TRPC7: variants seen among roughly 807,000 people sequenced by gnomAD.
The protein encoded by TRPC7 is transient receptor potential cation channel subfamily C member 7.
TRPC7 carries 42 observed loss-of-function variants against 90.1 expected under a neutral mutation model. The ratio of observed to expected loss-of-function variants is 0.47; its 90% CI spans 0.36 to 0.60. The LOEUF (loss-of-function observed/expected upper bound fraction) is 0.60. TRPC7 is among the 20% of genes least tolerant of loss of function. TRPC7 has a pLI of 0.00. For missense variants in TRPC7, 955 were observed against 1,112.3 expected (o/e 0.86, Z 2.01); for synonymous variants, 451 against 436.3 (o/e 1.03, Z -0.42).
chr5:136,251,805 C>G lies in TRPC7; in HGVS notation c.1423G>C (p.Asp475His). 1.9e-6 allele frequency: 3 copies of G among 1,614,050 alleles called. No individual in the cohort carries two copies. Among genetic ancestry groups the G allele is most frequent in the Non-Finnish European group, 1.7e-6 (2 of 1,179,898 alleles). ...ACGAAGATGGACAGCATCCCGAAATCTAGCAGGTTCCACAAGTGCAGCACG... is the reference window on the plus strand; with the variant it reads ...ACGAAGATGGACAGCATCCCGAAATGTAGCAGGTTCCACAAGTGCAGCACG... ...EYVLHLWNLL[D>H]FGMLSIFVAS... The change falls in exon 6 of 12, where the codon GAT (aspartate) becomes CAT (histidine). Residue 475 changes from aspartate (D) to histidine (H), a missense_variant. Physicochemically the swap from Asp to His is moderately conservative, Grantham distance 81 (BLOSUM62 -1). Around this residue, in one of 4 missense-constraint regions of TRPC7, gnomAD observed 484 missense variants for 509.6 expected, o/e 0.95. Coordinates refer to ENST00000513104, the MANE Select transcript of TRPC7 (RefSeq NM_020389.3).
intron 3 of TRPC7, among the ~76,000 whole-genome samples, chr5:136,292,094 T>C (rs1485564495): frequency 1.3e-5 from 2 of 152,014 alleles, no homozygotes; most frequent in East Asian, 1.9e-4. Context: ...TTGAAACCAA[T>C]GAGAACAAAG....
intron 4 of TRPC7, among the ~76,000 whole-genome samples, chr5:136,273,541 G>T (rs141370799): frequency 3.3e-5 from 5 of 152,318 alleles, no homozygotes; most frequent in African/African-American, 1.2e-4. Flanking sequence ...CTGTGAGGCA[G>T]TCAGTTCATT....
chr5:136,347,811 T>G (rs982757471), intron 2 of TRPC7, among the ~76,000 whole-genome samples: 4 of 152,244 alleles, frequency 2.6e-5, no homozygotes, highest in African/African-American at 9.6e-5. Flanking sequence ...TTCTGCTTCC[T>G]GTCCCTATTC....
chr5:136,314,396 G>C (rs1362518464), intron 3 of TRPC7: 1 of 152,178 alleles, frequency 6.6e-6, no homozygotes, highest in Non-Finnish European at 1.5e-5. Flanking sequence ...CCTGAGCTGA[G>C]TAAATAGTAT....
chr5:136,271,922 G>A (rs189728383), intron 4 of TRPC7, among the ~76,000 whole-genome samples: 17 of 152,238 alleles, frequency 1.1e-4, no homozygotes, highest in Non-Finnish European at 2.2e-4. Flanking sequence ...TAATTCAATA[G>A]GAAAGAAATG....
At chr5:136,344,814 A>G (rs978229837) in intron 2 of TRPC7, among the ~76,000 whole-genome samples, 1 of 152,218 alleles carries the variant, frequency 6.6e-6, no homozygotes, top group Admixed American at 6.5e-5. Context: ...CTGGATGTCT[A>G]TCACTAAGAG....
intron 2 of TRPC7, among the ~76,000 whole-genome samples, chr5:136,335,891 G>A (rs533164276): frequency 1.2e-3 from 152 of 125,160 alleles, no homozygotes; most frequent in Non-Finnish European, 2.1e-3. Flanking sequence ...GCGACAGAGC[G>A]AGACTCCGTC....
At position 136,315,787 on chromosome 5, in the gene TRPC7, A is replaced by C. The variant is rs1758999501; in HGVS notation, c.781-8T>G. 1 of 1,611,030 alleles carries C rather than the reference A, an allele frequency of 6.2e-7. No homozygotes were observed. The highest frequency in any genetic ancestry group is 1.3e-5 in the African/African-American group (1 of 74,902). On this transcript the variant is annotated splice_polypyrimidine_tract_variant and splice_region_variant and intron_variant, in intron 2 of 11. Coordinates refer to ENST00000513104, the MANE Select transcript of TRPC7 (RefSeq NM_020389.3). Reference sequence around the variant, plus strand: ...TAACTTCCTGTAATCGTTCTAACAGAATAGAGAGAAATCAGCGGTATGTCA... The same window carrying C: ...TAACTTCCTGTAATCGTTCTAACAGCATAGAGAGAAATCAGCGGTATGTCA...
chr5:136,316,411 T>C (rs1462474716), intron 2 of TRPC7, among the ~76,000 whole-genome samples: 5 of 152,230 alleles, frequency 3.3e-5, no homozygotes, highest in Admixed American at 2.6e-4. Flanking sequence ...TTGTAAATTA[T>C]ACATTTAAAA....
intron 3 of TRPC7, among the ~76,000 whole-genome samples, chr5:136,310,581 A>G (rs1271331464): frequency 6.6e-6 from 1 of 152,136 alleles, no homozygotes; most frequent in East Asian, 1.9e-4. Flanking sequence ...AGGAGGGTGG[A>G]GATCTCCTCA....
At chr5:136,306,168 C>G (rs1049148054) in intron 3 of TRPC7, among the ~76,000 whole-genome samples, 22 of 152,228 alleles carry the variant, frequency 1.4e-4, no homozygotes, top group African/African-American at 5.3e-4. Context: ...CTATCCCCAA[C>G]CTGCCACTCT....
At position 136,258,463 on chromosome 5, in the gene TRPC7, G is replaced by GTC. The variant is rs570894206; in HGVS notation, c.1346-6582_1346-6581insGA. 1.6e-4 allele frequency among the ~76,000 whole-genome samples: 25 copies of GTC among 152,128 alleles called. 1 individual carries two copies. The East Asian group carries it at 4.5e-3, about 27-fold the overall frequency. On this transcript the variant is annotated intron_variant, in intron 5 of 11. Coordinates refer to ENST00000513104, the MANE Select transcript of TRPC7 (RefSeq NM_020389.3). ...GTGTTTAGAGCCCAGGGCTCAAGGG[G>GTC]TAAGCATGCGCCCCCACCCTGCTCC... is the stretch of plus-strand genomic sequence containing the variant.
At position 136,251,872 on chromosome 5, in the gene TRPC7, C is replaced by G. The variant is rs777169920; in HGVS notation, c.1356G>C (p.Trp452Cys). Residue 452 changes from tryptophan (W) to cysteine (C), a missense_variant, in exon 6 of 12, where the codon TGG (tryptophan) becomes TGC (cysteine). Trp to Cys is a radical substitution (Grantham distance 215). Coordinates refer to ENST00000513104, the MANE Select transcript of TRPC7 (RefSeq NM_020389.3). ...CCTCCCAGATTTCCTTGCATTCGGA[C>G]CAAATCATTCCTGTGGGAGAAGGAG... is the stretch of plus-strand genomic sequence containing the variant. ...LIMKWVLGMI[W>C]SECKEIWEEG... 2 of 1,613,366 alleles carry G rather than the reference C, an allele frequency of 1.2e-6. No individual in the cohort carries two copies. The highest frequency in any genetic ancestry group is 1.7e-6 in the Non-Finnish European group (2 of 1,179,396).
chr5:136,243,980 A>G (rs1434111016), intron 7 of TRPC7, among the ~76,000 whole-genome samples: 1 of 151,874 alleles, frequency 6.6e-6, no homozygotes, highest in Non-Finnish European at 1.5e-5. Flanking sequence ...ATCTTCATTC[A>G]GTTTGCCTTT....
intron 2 of TRPC7, among the ~76,000 whole-genome samples, chr5:136,353,516 T>G (rs1760266243): frequency 6.6e-6 from 1 of 152,114 alleles, no homozygotes. Flanking sequence ...TCAGAAAGAG[T>G]GCATTTTAGA....
chr5:136,335,215 A>C (rs1421866956), intron 2 of TRPC7, among the ~76,000 whole-genome samples: 1 of 151,888 alleles, frequency 6.6e-6, no homozygotes, highest in Non-Finnish European at 1.5e-5. Context: ...CCAACCTCAA[A>C]CTGTATTCTA....
At chr5:136,266,091 G>T in intron 5 of TRPC7, 129 bp downstream of exon 5, 2 of 784,642 alleles carry the variant, frequency 2.5e-6, no homozygotes, top group Non-Finnish European at 4.2e-6. Flanking sequence ...CTTTCTTGTT[G>T]GTCATCCACT....
chr5:136,322,407 C>T (rs1759227392), intron 2 of TRPC7, among the ~76,000 whole-genome samples: 1 of 152,166 alleles, frequency 6.6e-6, no homozygotes, highest in Non-Finnish European at 1.5e-5. Context: ...ACAGTAAATG[C>T]ATGTTTAACC....
At chr5:136,313,117 T>C (rs1364509514) in intron 3 of TRPC7, among the ~76,000 whole-genome samples, 1 of 151,982 alleles carries the variant, frequency 6.6e-6, no homozygotes. Context: ...GCGTGATGCA[T>C]ATTGAAGGCT....
Sources: allele counts gnomAD v4.1 joint callset (sites outside exome capture counted in the v4.1 genomes callset), GRCh38; gene constraint gnomAD v4.1.1; regional missense constraint gnomAD v4.1.1; transcripts MANE v1.5; gene names NCBI Gene and HGNC (gene_info 2026-07-23, HGNC 2026-07-21).